The following TMEM108 variants were observed in gnomAD, a reference collection of about 807,000 sequenced individuals.
TMEM108 encodes transmembrane protein 108, also known as cancer/testis antigen 124.
TMEM108 carries 12 observed loss-of-function variants against 35.1 expected under a neutral mutation model. The observed-to-expected ratio is 0.34, with a 90% CI of 0.22 to 0.55. The LOEUF (loss-of-function observed/expected upper bound fraction) is 0.55. TMEM108 is among the 20% of genes least tolerant of loss of function. TMEM108 has a pLI of 0.89. For missense variants in TMEM108, 680 were observed against 753.3 expected (o/e 0.90, Z 1.14); for synonymous variants, 287 against 308.6 (o/e 0.93, Z 0.73).
intron 2 of TMEM108, among the ~76,000 whole-genome samples, chr3:133,141,282 G>C (rs1264125168): frequency 6.6e-6 from 1 of 152,114 alleles, no homozygotes; most frequent in Non-Finnish European, 1.5e-5. Context: ...TTCATTTCCA[G>C]GTCAGTGAAG....
intron 3 of TMEM108, among the ~76,000 whole-genome samples, chr3:133,324,786 G>A (rs1316940215): frequency 2.0e-5 from 3 of 152,172 alleles, no homozygotes; most frequent in East Asian, 1.9e-4. Flanking sequence ...GACCAGCCTG[G>A]CCAAAATGGT....
chr3:133,295,591 T>C (rs1176424966), intron 3 of TMEM108, among the ~76,000 whole-genome samples: 1 of 152,190 alleles, frequency 6.6e-6, no homozygotes, highest in Non-Finnish European at 1.5e-5. Flanking sequence ...AAGTGTGCAG[T>C]GACTTGCCCA....
intron 3 of TMEM108, among the ~76,000 whole-genome samples, chr3:133,242,241 T>C (rs1412247610): frequency 6.6e-6 from 1 of 152,210 alleles, no homozygotes; most frequent in Non-Finnish European, 1.5e-5. Context: ...GATATGTCCT[T>C]TGGGAGACCA....
At chr3:133,283,912 G>A (rs913572173) in intron 3 of TMEM108, among the ~76,000 whole-genome samples, 14 of 152,186 alleles carry the variant, frequency 9.2e-5, no homozygotes, top group Admixed American at 8.5e-4. Context: ...GATGTAAGAG[G>A]CAAGACTTGT....
chr3:133,354,242 G>A (rs1168930509), intron 3 of TMEM108, among the ~76,000 whole-genome samples: 1 of 152,204 alleles, frequency 6.6e-6, no homozygotes, highest in Non-Finnish European at 1.5e-5. Context: ...AGACCTCCAT[G>A]TCTGTGGTGA....
At chr3:133,367,821 C>G (rs1004096593) in intron 3 of TMEM108, among the ~76,000 whole-genome samples, 1 of 152,162 alleles carries the variant, frequency 6.6e-6, no homozygotes, top group Non-Finnish European at 1.5e-5. Context: ...AACCACTAGC[C>G]GCTGCCTCTT....
intron 2 of TMEM108, among the ~76,000 whole-genome samples, chr3:133,065,997 T>A (rs1943602105): frequency 6.6e-6 from 1 of 152,210 alleles, no homozygotes. Flanking sequence ...GGCTACTCTC[T>A]TTTGCTTCAT....
chr3:133,246,624 T>G (rs1946390091), intron 3 of TMEM108: 1 of 152,274 alleles, frequency 6.6e-6, no homozygotes, highest in African/African-American at 2.4e-5. Flanking sequence ...AGGACCTGAC[T>G]CCACAACAAC....
intron 4 of TMEM108, chr3:133,387,519 A>G: frequency 1.0e-6 from 1 of 985,404 alleles, no homozygotes. Flanking sequence ...CATTCTAACA[A>G]CATGGGCTGT....
At chr3:133,161,719 A>G (rs1483821533) in intron 2 of TMEM108, among the ~76,000 whole-genome samples, 1 of 151,522 alleles carries the variant, frequency 6.6e-6, no homozygotes, top group East Asian at 1.9e-4. Flanking sequence ...AAAAAGCCCA[A>G]AGTGAGAGGG....
intron 3 of TMEM108, among the ~76,000 whole-genome samples, chr3:133,266,951 G>T (rs1035128796): frequency 1.3e-5 from 2 of 150,772 alleles, no homozygotes; most frequent in South Asian, 2.1e-4. Context: ...GTGGTGGCAG[G>T]TGCCTGTAGA....
intron 3 of TMEM108, among the ~76,000 whole-genome samples, chr3:133,265,330 T>C (rs1946682497): frequency 1.3e-5 from 2 of 152,200 alleles, no homozygotes; most frequent in African/African-American, 4.8e-5. Context: ...TAGTTCATTT[T>C]AAAATGGGTC....
chr3:133,206,872 A>C (rs1945762832), intron 2 of TMEM108, among the ~76,000 whole-genome samples: 1 of 152,206 alleles, frequency 6.6e-6, no homozygotes, highest in Non-Finnish European at 1.5e-5. Context: ...GGCATGTAGG[A>C]ACACTTAAGT....
chr3:133,381,304 G>A, intron 4 of TMEM108, 143 bp downstream of exon 4: 1 of 877,868 alleles, frequency 1.1e-6, no homozygotes, highest in Non-Finnish European at 1.7e-6. Context: ...TATCAGGACA[G>A]GTTATCCCTG....
At chr3:133,120,260 A>G (rs1183429331) in intron 2 of TMEM108, among the ~76,000 whole-genome samples, 1 of 152,200 alleles carries the variant, frequency 6.6e-6, no homozygotes, top group Non-Finnish European at 1.5e-5. Flanking sequence ...GTATTATAAT[A>G]GGAACTCTGC....
At chr3:133,143,325 A>G (rs1944665941) in intron 2 of TMEM108, among the ~76,000 whole-genome samples, 1 of 152,094 alleles carries the variant, frequency 6.6e-6, no homozygotes, top group South Asian at 2.1e-4. Context: ...GAATGCTTAG[A>G]TCTGACTTAT....
chr3:133,194,579 T>G (rs926159844), intron 2 of TMEM108, among the ~76,000 whole-genome samples: 1 of 152,092 alleles, frequency 6.6e-6, no homozygotes, highest in African/African-American at 2.4e-5. Flanking sequence ...TCCATGGTTT[T>G]TTTTTTTTTC....
chr3:133,338,400 G>A (rs2071563586), intron 3 of TMEM108, among the ~76,000 whole-genome samples: 1 of 152,112 alleles, frequency 6.6e-6, no homozygotes, highest in African/African-American at 2.4e-5. Context: ...AGAGTGGCAT[G>A]ACATATTTAA....
At chr3:133,100,489 C>A (rs1382752917) in intron 2 of TMEM108, among the ~76,000 whole-genome samples, 1 of 152,144 alleles carries the variant, frequency 6.6e-6, no homozygotes, top group African/African-American at 2.4e-5. Context: ...CTGTAGTTAA[C>A]AGCTACTTGG....
Sources: allele counts gnomAD v4.1 joint callset (sites outside exome capture counted in the v4.1 genomes callset), GRCh38; gene constraint gnomAD v4.1.1; transcripts MANE v1.5; gene names NCBI Gene and HGNC (gene_info 2026-07-23, HGNC 2026-07-21).